AHI1: variants seen among roughly 807,000 people sequenced by gnomAD.
The protein encoded by AHI1 is jouberin.
Under a neutral mutation model 149.3 loss-of-function variants are expected in AHI1, and 123 were observed. The observed-to-expected ratio is 0.82, with a 90% CI of 0.71 to 0.96. The LOEUF (loss-of-function observed/expected upper bound fraction) is 0.96. AHI1 is among the 40% of genes least tolerant of loss of function. The pLI is 0.00. For synonymous variants in AHI1, 475 were observed against 459.8 expected (o/e 1.03, Z -0.42); for missense variants, 1,439 against 1,422.7 (o/e 1.01, Z -0.18).
At chr6:135,347,958 G>GT (rs1053360609) in intron 24 of AHI1, among the ~76,000 whole-genome samples, 14 of 152,252 alleles carry the variant, frequency 9.2e-5, no homozygotes, top group Middle Eastern at 3.4e-3. Flanking sequence ...AATAAGAAGG[G>GT]TTTTTTCCCC....
chr6:135,433,355 CAAGT>C (rs1784929708), intron 15 of AHI1, 99 bp from the exon 16 acceptor site: 16 of 761,914 alleles, frequency 2.1e-5, no homozygotes, highest in South Asian at 3.8e-5. Context: ...CTTAAGCAAG[CAAGT>C]GACAACGACC....
chr6:135,441,021 G>T (rs1786216308), intron 14 of AHI1, among the ~76,000 whole-genome samples: 1 of 151,552 alleles, frequency 6.6e-6, no homozygotes. Flanking sequence ...TCTCAACAAA[G>T]ACTTTCAATC....
At chr6:135,386,074 C>T (rs1777533695) in intron 23 of AHI1, among the ~76,000 whole-genome samples, 1 of 152,186 alleles carries the variant, frequency 6.6e-6, no homozygotes, top group African/African-American at 2.4e-5. Flanking sequence ...ATCTGAACAA[C>T]TAGCACAAAA....
At chr6:135,341,966 CA>C (rs1790438182) in intron 24 of AHI1, among the ~76,000 whole-genome samples, 1 of 151,400 alleles carries the variant, frequency 6.6e-6, no homozygotes, top group African/African-American at 2.4e-5. Flanking sequence ...AATAAAACAA[CA>C]AATAGAAAAA....
chr6:135,493,561 C>A (rs1028421730), intron 3 of AHI1, among the ~76,000 whole-genome samples: 1 of 152,162 alleles, frequency 6.6e-6, no homozygotes, highest in African/African-American at 2.4e-5. Flanking sequence ...TAGTCTTCTA[C>A]TTTCTAGTCT....
chr6:135,372,308 T>C (rs1209497080), intron 23 of AHI1, among the ~76,000 whole-genome samples: 8 of 152,182 alleles, frequency 5.3e-5, no homozygotes, highest in Non-Finnish European at 8.8e-5. Context: ...CTAGAACTGG[T>C]AGTGATACTG....
intron 26 of AHI1, among the ~76,000 whole-genome samples, chr6:135,313,878 G>A (rs1003253399): frequency 3.9e-5 from 6 of 152,184 alleles, no homozygotes; most frequent in Admixed American, 2.6e-4. Context: ...CTAAGGGAGG[G>A]GGGGTCAGGT....
intron 26 of AHI1, among the ~76,000 whole-genome samples, chr6:135,304,405 A>C (rs1784290754): frequency 6.6e-6 from 1 of 152,174 alleles, no homozygotes; most frequent in Admixed American, 6.5e-5. Flanking sequence ...TAAATCCTCC[A>C]ATTATAATGC....
At chr6:135,291,998 T>G (rs1404850322) in intron 27 of AHI1, among the ~76,000 whole-genome samples, 2 of 152,214 alleles carry the variant, frequency 1.3e-5, no homozygotes, top group Non-Finnish European at 2.9e-5. Flanking sequence ...AGCTCATTGA[T>G]GGATGTCATC....
chr6:135,366,719 A>G (rs866550728), intron 23 of AHI1, among the ~76,000 whole-genome samples: 62 of 152,152 alleles, frequency 4.1e-4, no homozygotes, highest in African/African-American at 1.2e-3. Context: ...GATTTTGTTA[A>G]TCTTTTCAAA....
intron 3 of AHI1, chr6:135,495,163 G>A (rs112968570): frequency 3.4e-5 from 5 of 147,068 alleles, no homozygotes; most frequent in Admixed American, 6.9e-5. Context: ...TTGTTTCCAC[G>A]CCGCTATCAC....
chr6:135,465,646 T>G (rs567895959), intron 7 of AHI1, among the ~76,000 whole-genome samples, 168 bp downstream of exon 7: 17 of 152,304 alleles, frequency 1.1e-4, no homozygotes, highest in African/African-American at 3.6e-4. Flanking sequence ...GTAAAGCACC[T>G]AGTACATAGT....
rs761976492 is a variant in AHI1 at position 135,394,777 on chromosome 6, G to C, written c.3108C>G (p.Thr1036=). The change falls in exon 23 of 29, where the codon ACC becomes ACG. Residue 1036 remains threonine, a splice_region_variant and synonymous_variant. Coordinates refer to ENST00000265602, the MANE Select transcript of AHI1 (RefSeq NM_001134831.2). The part of the protein sequence containing the change: ...EILHQFGFTQ[T]GIISIERKPC... ...TGTCAAAGTAAGAAAGGGGCTCACC[G>C]GTCTGAGTGAAACCAAACTGATGTA... The C allele has an allele frequency of 1.9e-6, 3 of 1,610,070 alleles. No homozygotes were observed. The highest frequency in any genetic ancestry group is 2.2e-5 in the South Asian group (2 of 90,302).
chr6:135,473,694 A>C (rs1292281801), intron 5 of AHI1, among the ~76,000 whole-genome samples: 3 of 152,184 alleles, frequency 2.0e-5, no homozygotes, highest in Non-Finnish European at 4.4e-5. Context: ...TGAGGGGTTC[A>C]GTGTACAGCT....
intron 26 of AHI1, among the ~76,000 whole-genome samples, chr6:135,311,037 C>T (rs903381961): frequency 6.6e-6 from 1 of 151,952 alleles, no homozygotes; most frequent in Non-Finnish European, 1.5e-5. Context: ...AGTGGTGGCT[C>T]ACACTTGTCA....
At position 135,411,478 on chromosome 6, in the gene AHI1, T is replaced by C. The variant is rs142704960; in HGVS notation, c.2831A>G (p.Gln944Arg). 106 of 1,613,238 alleles carry C rather than the reference T, an allele frequency of 6.6e-5. 1 individual carries two copies. In the African/African-American group the frequency reaches 1.2e-3, roughly 19 times the overall value. Residue 944 changes from glutamine to arginine, a missense_variant, in exon 21 of 29, where the codon CAA becomes CGA. Transcript: ENST00000265602. ...ACAGGTACATAGGGCATCTTGACTTTGGTGTATTCCAGGTAATGGAAATGT... is the reference window on the plus strand; with the variant it reads ...ACAGGTACATAGGGCATCTTGACTTCGGTGTATTCCAGGTAATGGAAATGT... ...NGTFPLPGIH[Q>R]SQDALCTCPK...
intron 5 of AHI1, among the ~76,000 whole-genome samples, chr6:135,470,184 A>C (rs972399822): frequency 1.3e-5 from 2 of 152,368 alleles, no homozygotes; most frequent in East Asian, 1.9e-4. Context: ...TCTTAAAAGA[A>C]GACATTTATG....
chr6:135,401,388 T>C (rs1175311212), intron 22 of AHI1, among the ~76,000 whole-genome samples: 1 of 152,198 alleles, frequency 6.6e-6, no homozygotes, highest in Non-Finnish European at 1.5e-5. Context: ...AGATACTCAA[T>C]AAATACTTGC....
intron 20 of AHI1, among the ~76,000 whole-genome samples, chr6:135,414,811 TTTTTA>T (rs1394886225): frequency 3.3e-5 from 5 of 151,796 alleles, no homozygotes; most frequent in African/African-American, 1.2e-4. Context: ...TTTTTATTTA[TTTTTA>T]TTTTATTATT....
Sources: allele counts gnomAD v4.1 joint callset (sites outside exome capture counted in the v4.1 genomes callset), GRCh38; gene constraint gnomAD v4.1.1; transcripts MANE v1.5; gene names NCBI Gene and HGNC (gene_info 2026-07-23, HGNC 2026-07-21).